HIPK2: variants seen among roughly 807,000 people sequenced by gnomAD.
The protein encoded by HIPK2 is homeodomain interacting protein kinase 2.
Under a neutral mutation model 113.7 loss-of-function variants are expected in HIPK2, and 27 were observed. That is an observed-to-expected ratio of 0.24 (90% confidence interval 0.17 to 0.33). The LOEUF (loss-of-function observed/expected upper bound fraction) is 0.33. HIPK2 is among the 10% of genes least tolerant of loss of function. The probability of loss-of-function intolerance (pLI) is 1.00; values close to 1 mark genes in which losing one functional copy is unlikely to be tolerated. For synonymous variants in HIPK2, 631 were observed against 642.2 expected, an observed-to-expected ratio of 0.98 and a Z score of 0.26; for missense variants, 1,257 against 1,588.0, an observed-to-expected ratio of 0.79 and a Z score of 3.54.
In HIPK2 at chr7:139,596,719, G is replaced by A. The variant is rs775200157; in HGVS notation, c.2715C>T (p.Thr905=). 3.1e-6 allele frequency: 5 copies of A among 1,609,298 alleles called. No individual in the cohort carries two copies. In the Admixed American group the frequency reaches 6.7e-5, roughly 21 times the overall value. ...AGGCTAAGGTGGCACTGCCTCACCT[G>A]GTGGGGGCGTGTTTCTGTTCCTCCT... ...DEEEEQKHAP[T]STVSKQRKNV... The change falls in exon 12 of 15, where the codon ACC becomes ACT. Residue 905 remains threonine (T), a splice_region_variant and synonymous_variant. Transcript: ENST00000406875.
intron 1 of HIPK2, among the ~76,000 whole-genome samples, chr7:139,755,456 C>T (rs1796347220): frequency 6.6e-6 from 1 of 152,250 alleles, no homozygotes; most frequent in Non-Finnish European, 1.5e-5. Flanking sequence ...CAATAATCTA[C>T]TAATAAACAG....
chr7:139,633,752 C>T, intron 2 of HIPK2, among the ~76,000 whole-genome samples: 1 of 151,966 alleles, frequency 6.6e-6, no homozygotes, highest in East Asian at 1.9e-4. Flanking sequence ...CAAGACCAGC[C>T]TGGTCAACAT....
At chr7:139,618,849 G>C (rs1372664004) in intron 7 of HIPK2, among the ~76,000 whole-genome samples, 1 of 152,154 alleles carries the variant, frequency 6.6e-6, no homozygotes, top group Non-Finnish European at 1.5e-5. Context: ...GGTAGTTTGG[G>C]GTTAGGGAGT....
At position 139,713,261 on chromosome 7, in the gene HIPK2, G is replaced by C. The variant is rs114097609; in HGVS notation, c.1103+2671C>G. 6.2e-3 allele frequency among the ~76,000 whole-genome samples: 942 copies of C among 152,250 alleles called. 5 individuals are homozygous for C. The highest frequency in any genetic ancestry group is 0.021 in the African/African-American group (890 of 41,522). ...AAAAGGCCTGATCTCACCCACAGAG[G>C]GGGGCAGGAGAGGATCGCTGTGAGT... On this transcript the variant is annotated intron_variant, in intron 2 of 14. Transcript: ENST00000406875.
At chr7:139,751,143 G>A (rs948943520) in intron 1 of HIPK2, among the ~76,000 whole-genome samples, 3 of 151,912 alleles carry the variant, frequency 2.0e-5, no homozygotes, top group African/African-American at 7.3e-5. Context: ...TAATCAAATA[G>A]AACTTAATTA....
chr7:139,626,464 T>C (rs1569457782), intron 6 of HIPK2, 137 bp downstream of exon 6: 4 of 837,956 alleles, frequency 4.8e-6, no homozygotes, highest in Non-Finnish European at 5.6e-6. Flanking sequence ...ATGTATTGCA[T>C]CTGTGGCTGC....
intron 2 of HIPK2, among the ~76,000 whole-genome samples, chr7:139,695,121 G>A (rs1047872922): frequency 5.3e-5 from 8 of 152,236 alleles, no homozygotes; most frequent in East Asian, 1.9e-4. Context: ...CTCAGTGCAC[G>A]GACTTCACTC....
intron 1 of HIPK2, among the ~76,000 whole-genome samples, chr7:139,772,680 T>G (rs1201072394): frequency 6.6e-6 from 1 of 151,864 alleles, no homozygotes; most frequent in Non-Finnish European, 1.5e-5. Context: ...CTCCGCCTCC[T>G]GGGTTCAAGC....
chr7:139,698,304 C>T (rs1014844772), intron 2 of HIPK2, among the ~76,000 whole-genome samples: 11 of 152,112 alleles, frequency 7.2e-5, no homozygotes, highest in East Asian at 3.8e-4. Flanking sequence ...CTTTTCGTGG[C>T]GAAATAATAT....
At chr7:139,581,277 T>C (rs994657579) in intron 13 of HIPK2, among the ~76,000 whole-genome samples, 1 of 152,024 alleles carries the variant, frequency 6.6e-6, no homozygotes, top group Non-Finnish European at 1.5e-5. Context: ...TCTGGTCTCC[T>C]GGAAATGGGA....
At position 139,626,775 on chromosome 7, in the gene HIPK2, G is replaced by A. The variant is rs753352107; in HGVS notation, c.1445C>T (p.Thr482Met). ...CLDDMAQVNM[T>M]TDLEGSDMLV... ...CATGTCGCTCCCTTCCAAATCTGTC[G>A]TCATGTTCACCTGGACGCAAGTAAG... The change falls in exon 6 of 15, where the codon ACG becomes ATG. Residue 482 changes from threonine to methionine, a missense_variant. Thr to Met is a moderately conservative substitution (Grantham distance 81). Around this residue, in one of 5 missense-constraint regions of HIPK2, gnomAD observed 862 missense variants for 1,004.3 expected, o/e 0.86. Transcript: ENST00000406875. 35 of 1,613,868 alleles carry A rather than the reference G, an allele frequency of 2.2e-5. No homozygotes were observed. In the South Asian group the frequency reaches 2.2e-4, roughly 10 times the overall value.
intron 2 of HIPK2, among the ~76,000 whole-genome samples, chr7:139,695,358 C>T (rs907963391): frequency 2.0e-5 from 3 of 152,200 alleles, no homozygotes; most frequent in East Asian, 1.9e-4. Context: ...CTGTGTGGCC[C>T]GGGGCTGCCT....
chr7:139,631,017 T>G lies in HIPK2; in HGVS notation c.1347+148A>C. The G allele has an allele frequency of 9.2e-7, 1 of 1,083,494 alleles. No homozygotes were observed. Among genetic ancestry groups the G allele is most frequent in the Non-Finnish European group, 1.3e-6 (1 of 780,084 alleles). 67.1% of individuals were successfully genotyped at this position (1,083,494 alleles called of 1,614,324 possible). A position where few individuals can be genotyped will look rare whatever the true frequency, so the allele number is the denominator to read the frequency against. On this transcript the variant is annotated intron_variant, in intron 4 of 14. Coordinates refer to ENST00000406875, the MANE Select transcript of HIPK2 (RefSeq NM_022740.5). This position sits in a 1 kb window ranked among gnomAD's most constrained non-coding sequence, Gnocchi z 4.9. Reference sequence around the variant, plus strand: ...CAAGGGAAAGAGGGGCTTCTGAGCATTCAGATTCAGCCATACCATGTATTA... The same window carrying G: ...CAAGGGAAAGAGGGGCTTCTGAGCAGTCAGATTCAGCCATACCATGTATTA...
At chr7:139,638,543 A>T (rs1393173437) in intron 2 of HIPK2, among the ~76,000 whole-genome samples, 2 of 152,146 alleles carry the variant, frequency 1.3e-5, no homozygotes, top group Non-Finnish European at 2.9e-5. Context: ...TTAAACATAT[A>T]TATGAAGTGT....
intron 2 of HIPK2, among the ~76,000 whole-genome samples, chr7:139,668,548 G>A (rs1802142228): frequency 6.7e-6 from 1 of 148,720 alleles, no homozygotes; most frequent in African/African-American, 2.5e-5. Flanking sequence ...TCCAGCCTGG[G>A]TGACAGAGCA....
intron 6 of HIPK2, among the ~76,000 whole-genome samples, chr7:139,623,163 T>A (rs927579310): frequency 6.6e-6 from 1 of 152,176 alleles, no homozygotes; most frequent in Non-Finnish European, 1.5e-5. Flanking sequence ...GCTTTTCTTC[T>A]TCTTGTGGTA....
chr7:139,642,834 G>C (rs1801073828), intron 2 of HIPK2, among the ~76,000 whole-genome samples: 1 of 152,206 alleles, frequency 6.6e-6, no homozygotes, highest in African/African-American at 2.4e-5. Flanking sequence ...GAATGGCCAA[G>C]CCAAACACCG....
chr7:139,601,570 C>A (rs1799426675), intron 10 of HIPK2, among the ~76,000 whole-genome samples: 1 of 152,154 alleles, frequency 6.6e-6, no homozygotes, highest in African/African-American at 2.4e-5. Flanking sequence ...TGAAGGTTGA[C>A]TAGACAAGTA....
At chr7:139,676,848 ATTTC>A (rs1441072356) in intron 2 of HIPK2, among the ~76,000 whole-genome samples, 32 of 103,496 alleles carry the variant, frequency 3.1e-4, no homozygotes, top group Non-Finnish European at 5.2e-4. Context: ...GAACCATAGT[ATTTC>A]TTTTTTTCTT....
Sources: gnomAD v4.1 joint callset for allele counts (sites outside exome capture counted in the v4.1 genomes callset) on GRCh38, gnomAD v4.1.1 for gene constraint, gnomAD v4.1.1 regional missense constraint, Gnocchi (gnomAD v3.1) non-coding constraint, MANE v1.5 for transcripts, NCBI Gene and HGNC (gene_info 2026-07-23, HGNC 2026-07-21) for gene names.